ITGA4: variants seen among roughly 807,000 people sequenced by gnomAD.
ITGA4 encodes integrin subunit alpha 4.
In ITGA4, 63 loss-of-function variants were observed where a neutral mutation model predicts 133.6. That is an observed-to-expected ratio of 0.47 (90% confidence interval 0.38 to 0.58). The LOEUF (loss-of-function observed/expected upper bound fraction) is 0.58, where lower values mean the gene tolerates loss of function less well. Among genes scored for constraint, ITGA4 ranks in the 20% least tolerant of loss-of-function variants. The pLI is 0.00. For missense variants in ITGA4, 1,076 were observed against 1,252.7 expected (o/e 0.86, Z 2.13); for synonymous variants, 483 against 438.0 (o/e 1.10, Z -1.28).
At chr2:181,502,525 A>C (rs1574400193) in intron 15 of ITGA4, among the ~76,000 whole-genome samples, 1 of 152,150 alleles carries the variant, frequency 6.6e-6, no homozygotes, top group African/African-American at 2.4e-5. Flanking sequence ...GGTTGGTTCT[A>C]GATAGGCATG....
chr2:181,506,130 C>T (rs555545275), intron 15 of ITGA4, among the ~76,000 whole-genome samples: 3 of 152,072 alleles, frequency 2.0e-5, no homozygotes, highest in East Asian at 1.9e-4. Flanking sequence ...TTCTAAATAC[C>T]GTTTAATAAA....
intron 10 of ITGA4, 148 bp from the exon 11 acceptor site, chr2:181,493,177 T>C (rs965234732): frequency 3.4e-6 from 2 of 590,126 alleles, no homozygotes; most frequent in East Asian, 2.9e-5. Flanking sequence ...GATGATAGTA[T>C]TTTATTTTTT....
intron 4 of ITGA4, among the ~76,000 whole-genome samples, chr2:181,477,949 C>T (rs1463205590): frequency 1.3e-5 from 2 of 152,020 alleles, no homozygotes; most frequent in African/African-American, 4.8e-5. Context: ...AGCTTAGTGT[C>T]CATTGACAGA....
chr2:181,471,298 C>T (rs1685544618), intron 2 of ITGA4, among the ~76,000 whole-genome samples: 1 of 152,084 alleles, frequency 6.6e-6, no homozygotes, highest in Non-Finnish European at 1.5e-5. Flanking sequence ...CATTTCTGGG[C>T]TGTTTGTCGG....
intron 2 of ITGA4, among the ~76,000 whole-genome samples, chr2:181,460,566 A>AATAT (rs79689303): frequency 1.9e-4 from 28 of 148,070 alleles, no homozygotes; most frequent in African/African-American, 5.0e-4. Flanking sequence ...TCTGTAGAAG[A>AATAT]GTGTGTGTGT....
chr2:181,459,118 A>C (rs1175974767), intron 2 of ITGA4: 3 of 152,208 alleles, frequency 2.0e-5, no homozygotes, highest in African/African-American at 4.8e-5. Context: ...TTTCCCCTTA[A>C]AGCAACCCTG....
intron 17 of ITGA4, among the ~76,000 whole-genome samples, chr2:181,515,583 T>C (rs1388361334): frequency 6.6e-6 from 1 of 152,116 alleles, no homozygotes; most frequent in Non-Finnish European, 1.5e-5. Context: ...AATGTCCATA[T>C]AAAGTAGTAG....
chr2:181,469,579 G>C (rs1006848668), intron 2 of ITGA4, among the ~76,000 whole-genome samples: 9 of 152,130 alleles, frequency 5.9e-5, no homozygotes, highest in Admixed American at 5.2e-4. Context: ...TATACCCAAA[G>C]GATTATAAAT....
rs1283140322 is a variant in ITGA4, at chr2:181,522,130, T to G, written c.1923-61T>G. Reference sequence around the variant, plus strand: ...TTATATACATATATCCTTGTATGCATATAAGAGAGAGGGATTTTTATTTCC... The same window carrying G: ...TTATATACATATATCCTTGTATGCAGATAAGAGAGAGGGATTTTTATTTCC... On this transcript the variant is annotated intron_variant, in intron 17 of 27. Coordinates refer to ENST00000397033, the MANE Select transcript of ITGA4 (RefSeq NM_000885.6). 2.2e-5 allele frequency: 22 copies of G among 1,019,504 alleles called. No homozygotes were observed. In the East Asian group the frequency reaches 5.3e-4, roughly 25 times the overall value. The allele number at this position is 1,019,504 out of a possible 1,614,324, so 63.2% of individuals were successfully genotyped here. A position where few individuals can be genotyped will look rare whatever the true frequency, so the allele number is the denominator to read the frequency against.
intron 15 of ITGA4, among the ~76,000 whole-genome samples, chr2:181,506,095 C>CA (rs1686386660): frequency 6.6e-6 from 1 of 152,010 alleles, no homozygotes; most frequent in Non-Finnish European, 1.5e-5. Flanking sequence ...AATCAGGGAT[C>CA]TTGAGTACTC....
intron 15 of ITGA4, among the ~76,000 whole-genome samples, chr2:181,507,918 C>T (rs935675885): frequency 4.5e-4 from 68 of 152,020 alleles, no homozygotes; most frequent in African/African-American, 1.6e-3. Context: ...GACACTTTTA[C>T]TATCTAGTGA....
At chr2:181,508,427 G>A (rs1475991380) in intron 15 of ITGA4, among the ~76,000 whole-genome samples, 1 of 152,098 alleles carries the variant, frequency 6.6e-6, no homozygotes, top group African/African-American at 2.4e-5. Flanking sequence ...TGGGCGCGGT[G>A]GTTCAAGCCT....
rs56194996 is a variant in ITGA4, at chr2:181,531,730, C to A, written c.2738C>A (p.Ala913Asp). ...NFGKMESGKE[A>D]SVHIQLEGRP... The stretch of plus-strand genomic sequence containing the variant: ...GGGAAAATGGAAAGTGGAAAAGAAG[C>A]CAGTGTTCATATCCAACTGGAAGGC... The change falls in exon 25 of 28, where the codon GCC becomes GAC. Residue 913 changes from alanine (A) to aspartate (D), a missense_variant. Around this residue, in one of 4 missense-constraint regions of ITGA4, gnomAD observed 193 missense variants for 172.3 expected, o/e 1.12. Coordinates refer to ENST00000397033, the MANE Select transcript of ITGA4 (RefSeq NM_000885.6). The A allele has an allele frequency of 1.0e-3, 1,638 of 1,606,374 alleles. 1 individual carries two copies. The highest frequency in any genetic ancestry group is 1.3e-3 in the Admixed American group (75 of 59,368).
intron 24 of ITGA4, among the ~76,000 whole-genome samples, chr2:181,531,031 C>T (rs887293600): frequency 1.6e-4 from 24 of 152,090 alleles, no homozygotes; most frequent in Non-Finnish European, 7.4e-5. Context: ...AGGAGAATTG[C>T]TTGAATCCGG....
chr2:181,493,870 C>G (rs565745673), intron 11 of ITGA4, among the ~76,000 whole-genome samples: 1 of 152,168 alleles, frequency 6.6e-6, no homozygotes, highest in Non-Finnish European at 1.5e-5. Context: ...TTAATAATGT[C>G]TCAGGATCTT....
At chr2:181,463,843 G>T (rs1231709916) in intron 2 of ITGA4, among the ~76,000 whole-genome samples, 2 of 152,126 alleles carry the variant, frequency 1.3e-5, no homozygotes, top group Non-Finnish European at 2.9e-5. Flanking sequence ...TCTCTCTGGG[G>T]TAAATAGATC....
chr2:181,472,219 C>T (rs1403644773), intron 2 of ITGA4, among the ~76,000 whole-genome samples: 1 of 152,210 alleles, frequency 6.6e-6, no homozygotes, highest in Non-Finnish European at 1.5e-5. Context: ...GTCTAGTCTT[C>T]ACTTAGAAAT....
At chr2:181,522,131 A>G (rs1354840809) in intron 17 of ITGA4, 60 bp from the exon 18 acceptor site, 13 of 1,059,872 alleles carry the variant, frequency 1.2e-5, no homozygotes, top group East Asian at 2.4e-5. Flanking sequence ...TTGTATGCAT[A>G]TAAGAGAGAG....
chr2:181,523,169 T>C lies in ITGA4; in HGVS notation c.2074-268T>C, dbSNP rs1022617369. 1.3e-5 allele frequency among the ~76,000 whole-genome samples: 2 copies of C among 151,888 alleles called. No homozygotes were observed. The highest frequency in any genetic ancestry group is 2.1e-4 in the South Asian group (1 of 4,812). Reference sequence around the variant, plus strand: ...ACTAGAGTACACACATATATGTATATACACACACACATACACATACACATA... The same window carrying C: ...ACTAGAGTACACACATATATGTATACACACACACACATACACATACACATA... On this transcript the variant is annotated intron_variant, in intron 18 of 27. Coordinates refer to ENST00000397033, the MANE Select transcript of ITGA4 (RefSeq NM_000885.6). This position sits in a 1 kb window ranked among gnomAD's most constrained non-coding sequence, Gnocchi z 4.2.
Sources: allele counts gnomAD v4.1 joint callset (sites outside exome capture counted in the v4.1 genomes callset), GRCh38; gene constraint gnomAD v4.1.1; regional missense constraint gnomAD v4.1.1; non-coding constraint Gnocchi (gnomAD v3.1); transcripts MANE v1.5; gene names NCBI Gene and HGNC (gene_info 2026-07-23, HGNC 2026-07-21).